SLC6A11: variants seen among roughly 807,000 people sequenced by gnomAD.
The protein encoded by SLC6A11 is solute carrier family 6 member 11, also known as sodium- and chloride-dependent GABA transporter 3.
In SLC6A11, 25 loss-of-function variants were observed where a neutral mutation model predicts 74.8. The observed-to-expected ratio is 0.33, with a 90% confidence interval of 0.24 to 0.47. The LOEUF is 0.47. Among genes scored for constraint, SLC6A11 ranks in the 20% least tolerant of loss-of-function variants. The pLI, the probability that SLC6A11 is intolerant of heterozygous loss-of-function variation, is 1.00. For missense variants in SLC6A11, 574 were observed against 837.0 expected, an observed-to-expected ratio of 0.69 and a Z score of 3.88; for synonymous variants, 330 against 330.2, an observed-to-expected ratio of 1.00 and a Z score of 0.01.
chr3:10,929,203 TTGTG>T lies in SLC6A11; in HGVS notation c.1242_1245del (p.Cys414TrpfsTer5). 2 of 1,613,830 alleles carry T rather than the reference TTGTG, an allele frequency of 1.2e-6. No individual in the cohort carries two copies. Among genetic ancestry groups the T allele is most frequent in the Non-Finnish European group, 1.7e-6 (2 of 1,179,896 alleles). On this transcript the variant is annotated frameshift_variant and splice_region_variant, in exon 10 of 14. Coordinates refer to ENST00000254488, the MANE Select transcript of SLC6A11 (RefSeq NM_014229.3). LOFTEE classifies it high-confidence loss of function. ...ACACCATCATATCTCCCCATCCAGTTTGTGTGTGTGGAAAGCCTGGTGACCGCCG... is the reference window on the plus strand; with the variant it reads ...ACACCATCATATCTCCCCATCCAGTTTGTGTGGAAAGCCTGGTGACCGCCG...
intron 8 of SLC6A11, among the ~76,000 whole-genome samples, chr3:10,920,097 G>C (rs1002650945): frequency 1.3e-5 from 2 of 152,154 alleles, no homozygotes; most frequent in African/African-American, 4.8e-5. Context: ...CCTCTGTAAA[G>C]TGCGCACCCT....
intron 7 of SLC6A11, among the ~76,000 whole-genome samples, chr3:10,913,628 A>G (rs889673415): frequency 6.6e-6 from 1 of 152,256 alleles, no homozygotes; most frequent in Non-Finnish European, 1.5e-5. Context: ...TCCACAATAT[A>G]TAAAGAATAC....
At chr3:10,893,846 G>A (rs1303184951) in intron 6 of SLC6A11, among the ~76,000 whole-genome samples, 1 of 152,182 alleles carries the variant, frequency 6.6e-6, no homozygotes. Context: ...ACACTTCAAA[G>A]TAAGTTGTAG....
chr3:10,888,033 G>A (rs1695065460), intron 6 of SLC6A11, among the ~76,000 whole-genome samples: 2 of 152,230 alleles, frequency 1.3e-5, no homozygotes, highest in Non-Finnish European at 2.9e-5. Flanking sequence ...GGCATGAAAA[G>A]AGCTGTAATT....
chr3:10,883,140 T>C (rs1015330734), intron 6 of SLC6A11, among the ~76,000 whole-genome samples: 3 of 152,194 alleles, frequency 2.0e-5, no homozygotes, highest in Non-Finnish European at 4.4e-5. Context: ...GTCAAGAACT[T>C]GAAGCGACAC....
intron 4 of SLC6A11, among the ~76,000 whole-genome samples, chr3:10,842,663 A>G (rs1288853596): frequency 6.6e-6 from 1 of 152,036 alleles, no homozygotes; most frequent in Non-Finnish European, 1.5e-5. Flanking sequence ...CAAGGGCCAT[A>G]TGATGCTTAC....
intron 8 of SLC6A11, among the ~76,000 whole-genome samples, chr3:10,920,222 A>T (rs1339218429): frequency 1.3e-5 from 2 of 152,200 alleles, no homozygotes; most frequent in Non-Finnish European, 2.9e-5. Context: ...GGAAGAAAAA[A>T]ATCCAACTAA....
chr3:10,921,726 A>G (rs1214665942), intron 8 of SLC6A11, among the ~76,000 whole-genome samples: 3 of 152,210 alleles, frequency 2.0e-5, no homozygotes, highest in Non-Finnish European at 4.4e-5. Context: ...AGACCCAACT[A>G]TAACATGTCT....
intron 4 of SLC6A11, among the ~76,000 whole-genome samples, chr3:10,830,865 G>T (rs1447547004): frequency 6.6e-6 from 1 of 152,128 alleles, no homozygotes; most frequent in African/African-American, 2.4e-5. Flanking sequence ...TGTGTGATCA[G>T]GCCTGGGGAT....
intron 5 of SLC6A11, among the ~76,000 whole-genome samples, chr3:10,861,172 G>T (rs1694699017): frequency 6.6e-6 from 1 of 152,216 alleles, no homozygotes. Flanking sequence ...GATAACAGAT[G>T]CTAAGTGAAG....
At chr3:10,901,782 C>T (rs946231168) in intron 6 of SLC6A11, among the ~76,000 whole-genome samples, 1 of 152,118 alleles carries the variant, frequency 6.6e-6, no homozygotes. Context: ...GTGGCATTAG[C>T]CGAAAGAAGG....
intron 11 of SLC6A11, 39 bp from the exon 12 acceptor site, chr3:10,934,027 C>T: frequency 7.0e-7 from 1 of 1,423,684 alleles, no homozygotes; most frequent in Non-Finnish European, 9.9e-7. Context: ...CAAAACTTCT[C>T]TGGGGTGTGT....
intron 6 of SLC6A11, among the ~76,000 whole-genome samples, chr3:10,901,028 A>G (rs567478077): frequency 5.3e-5 from 8 of 152,282 alleles, no homozygotes; most frequent in Non-Finnish European, 1.0e-4. Flanking sequence ...AGGGAGTAGG[A>G]CAGTCCTGCA....
chr3:10,857,549 C>A (rs1204899101), intron 5 of SLC6A11, among the ~76,000 whole-genome samples: 1 of 152,170 alleles, frequency 6.6e-6, no homozygotes, highest in Non-Finnish European at 1.5e-5. Context: ...AACACTGGAG[C>A]AGACGATAAT....
intron 7 of SLC6A11, among the ~76,000 whole-genome samples, chr3:10,913,733 A>T (rs1405391225): frequency 2.0e-5 from 3 of 152,212 alleles, no homozygotes; most frequent in African/African-American, 7.2e-5. Context: ...TCGCTCAGTC[A>T]CCCAGGCTGG....
chr3:10,928,521 G>A (rs2581207), intron 9 of SLC6A11, among the ~76,000 whole-genome samples: 124,073 of 152,102 alleles, frequency 0.82, 50,876 homozygotes, highest in Admixed American at 0.86. Flanking sequence ...GTAGGAACTG[G>A]GCAGATACCT....
intron 10 of SLC6A11, 115 bp downstream of exon 10, chr3:10,929,454 G>T (rs1559587416): frequency 5.5e-6 from 6 of 1,096,996 alleles, no homozygotes; most frequent in Non-Finnish European, 6.7e-6. Context: ...CTGCCACTCG[G>T]TTTATGCTTC....
chr3:10,844,499 T>C (rs978628674), intron 5 of SLC6A11, among the ~76,000 whole-genome samples, 153 bp downstream of exon 5: 1 of 152,164 alleles, frequency 6.6e-6, no homozygotes, highest in Non-Finnish European at 1.5e-5. Flanking sequence ...CTACCCACCC[T>C]CACCACTTAT....
chr3:10,908,921 T>G (rs959192955), intron 6 of SLC6A11, among the ~76,000 whole-genome samples: 1 of 152,072 alleles, frequency 6.6e-6, no homozygotes, highest in African/African-American at 2.4e-5. Context: ...AAAGAGGAAT[T>G]TATAGGCCTC....
Sources: allele counts gnomAD v4.1 joint callset (sites outside exome capture counted in the v4.1 genomes callset), GRCh38; gene constraint gnomAD v4.1.1; transcripts MANE v1.5; gene names NCBI Gene and HGNC (gene_info 2026-07-23, HGNC 2026-07-21).